The following RABGAP1 variants were observed in gnomAD, a reference collection of about 807,000 sequenced individuals.
RABGAP1 encodes RAB GTPase activating protein 1, also known as rab GTPase-activating protein 1.
A neutral mutation model predicts 137.6 loss-of-function variants in RABGAP1; 23 were observed. The observed-to-expected ratio is 0.17, with a 90% CI of 0.12 to 0.24. RABGAP1 has a LOEUF of 0.24. Ranked by LOEUF, RABGAP1 falls within the 10% of genes least tolerant of loss-of-function variation. The pLI, the probability that RABGAP1 is intolerant of heterozygous loss-of-function variation, is 1.00. For missense variants in RABGAP1, 906 were observed against 1,275.8 expected, an observed-to-expected ratio of 0.71 and a Z score of 4.42; for synonymous variants, 451 against 450.7, an observed-to-expected ratio of 1.00 and a Z score of -0.01.
intron 2 of RABGAP1, among the ~76,000 whole-genome samples, chr9:122,983,983 C>T (rs567707439): frequency 6.6e-6 from 1 of 152,230 alleles, no homozygotes; most frequent in Non-Finnish European, 1.5e-5. Flanking sequence ...TATCATGTAA[C>T]TCTTCCTCAG....
chr9:123,017,919 G>T (rs532212377), intron 12 of RABGAP1, among the ~76,000 whole-genome samples: 1 of 152,174 alleles, frequency 6.6e-6, no homozygotes, highest in Non-Finnish European at 1.5e-5. Context: ...TGATCCCAAG[G>T]CTGGTTTATT....
intron 13 of RABGAP1, among the ~76,000 whole-genome samples, chr9:123,046,862 G>A (rs959194191): frequency 1.3e-5 from 2 of 152,120 alleles, no homozygotes; most frequent in African/African-American, 4.8e-5. Context: ...CATAAATATA[G>A]AATCCTTAAG....
rs201426538 is a variant in RABGAP1, at chr9:123,098,816, G to A, written c.2817+18G>A. 79 of 1,597,742 alleles carry A rather than the reference G, an allele frequency of 4.9e-5. No homozygotes were observed. The African/African-American group carries it at 6.2e-4, about 13-fold the overall frequency. ...ATAAGCAGGTAGGTTCCAGTACCCT[G>A]GGATTGGGCTGTGTAATCTGGGAGC... On this transcript the variant is annotated intron_variant, in intron 23 of 25. Transcript: ENST00000373647.
At chr9:123,035,158 A>G (rs908484615) in intron 13 of RABGAP1, 29 of 1,613,772 alleles carry the variant, frequency 1.8e-5, no homozygotes, top group African/African-American at 2.7e-5. Context: ...CATCGTGATG[A>G]TGTTATATGC....
At chr9:123,019,279 C>T (rs1023077271) in intron 12 of RABGAP1, among the ~76,000 whole-genome samples, 1 of 152,128 alleles carries the variant, frequency 6.6e-6, no homozygotes, top group Non-Finnish European at 1.5e-5. Flanking sequence ...TGGAAACATA[C>T]TTGAGATATT....
chr9:123,052,126 AT>A (rs1211605392), intron 13 of RABGAP1, among the ~76,000 whole-genome samples: 3 of 152,182 alleles, frequency 2.0e-5, no homozygotes, highest in African/African-American at 7.2e-5. Context: ...ATTTTAAAAA[AT>A]ATATTAGAAA....
At chr9:122,973,985 C>T (rs543813587) in intron 2 of RABGAP1, among the ~76,000 whole-genome samples, 2 of 149,706 alleles carry the variant, frequency 1.3e-5, no homozygotes, top group South Asian at 4.3e-4. Context: ...CCAGCCTGGG[C>T]GACGAGCGAA....
intron 16 of RABGAP1, 55 bp downstream of exon 16, chr9:123,073,732 C>T: frequency 1.2e-6 from 2 of 1,601,702 alleles, no homozygotes; most frequent in South Asian, 1.1e-5. Context: ...CTAAGGAGCA[C>T]CAAATTGAGG....
intron 2 of RABGAP1, among the ~76,000 whole-genome samples, chr9:122,979,570 A>C (rs1835942588): frequency 6.6e-6 from 1 of 152,090 alleles, no homozygotes; most frequent in African/African-American, 2.4e-5. Flanking sequence ...CCTGTGTTTT[A>C]TTCTGTATGT....
intron 21 of RABGAP1, among the ~76,000 whole-genome samples, chr9:123,096,779 C>T (rs956622359): frequency 6.6e-6 from 1 of 152,138 alleles, no homozygotes; most frequent in African/African-American, 2.4e-5. Flanking sequence ...ACTATGTTGG[C>T]CAGGCTGTTC....
chr9:123,083,922 A>T (rs754545469), intron 19 of RABGAP1, among the ~76,000 whole-genome samples: 2 of 152,180 alleles, frequency 1.3e-5, no homozygotes, highest in Non-Finnish European at 2.9e-5. Flanking sequence ...CAAGTCAACA[A>T]ACGCTTGTAG....
intron 11 of RABGAP1, among the ~76,000 whole-genome samples, chr9:123,010,954 A>G (rs1207045735): frequency 2.0e-5 from 3 of 151,466 alleles, no homozygotes; most frequent in African/African-American, 7.3e-5. Flanking sequence ...ATACGTTTAT[A>G]TATTACTATG....
intron 2 of RABGAP1, among the ~76,000 whole-genome samples, chr9:122,968,387 T>C (rs983186054): frequency 2.0e-5 from 3 of 151,670 alleles, no homozygotes; most frequent in Non-Finnish European, 2.9e-5. Flanking sequence ...TATGCCCGGC[T>C]AATTTTCATA....
Position 123,024,199 on chromosome 9 carries a change from T to A in RABGAP1, c.1794+3740T>A, listed in dbSNP as rs538927870. Among the ~76,000 whole-genome samples, 213 of 152,322 alleles carry A rather than the reference T, an allele frequency of 1.4e-3. 2 individuals carry two copies. Among genetic ancestry groups the A allele is most frequent in the African/African-American group, 4.6e-3 (193 of 41,564 alleles). ...TTAAAGTGAAAATTTTTTAGGTTTTTAAATTTCAGTAGGGATCCAGAAGGG... is the reference window on the plus strand; with the variant it reads ...TTAAAGTGAAAATTTTTTAGGTTTTAAAATTTCAGTAGGGATCCAGAAGGG... On this transcript the variant is annotated intron_variant, in intron 13 of 25. Coordinates refer to ENST00000373647, the MANE Select transcript of RABGAP1 (RefSeq NM_012197.4).
chr9:122,967,786 A>G (rs1055308542), intron 2 of RABGAP1, among the ~76,000 whole-genome samples: 2 of 151,522 alleles, frequency 1.3e-5, no homozygotes, highest in Non-Finnish European at 2.9e-5. Flanking sequence ...CTTGTTGCCC[A>G]GGCTGGAGTG....
At chr9:123,061,179 C>T (rs1230091457) in intron 13 of RABGAP1, among the ~76,000 whole-genome samples, 1 of 152,186 alleles carries the variant, frequency 6.6e-6, no homozygotes, top group Non-Finnish European at 1.5e-5. Context: ...AGCACAGTGG[C>T]ACAGTCTTGG....
intron 14 of RABGAP1, among the ~76,000 whole-genome samples, chr9:123,067,275 T>C (rs985284361): frequency 7.9e-5 from 12 of 152,246 alleles, no homozygotes; most frequent in African/African-American, 2.9e-4. Flanking sequence ...ATGTCTCTCT[T>C]AGCTTCATTC....
chr9:123,034,870 T>G, intron 13 of RABGAP1: 1 of 1,614,084 alleles, frequency 6.2e-7, no homozygotes, highest in Non-Finnish European at 8.5e-7. Flanking sequence ...GTCCTTGACT[T>G]GCCAGATATT....
At chr9:123,027,768 A>G (rs1052415621) in intron 13 of RABGAP1, among the ~76,000 whole-genome samples, 3 of 152,170 alleles carry the variant, frequency 2.0e-5, no homozygotes, top group Non-Finnish European at 4.4e-5. Context: ...ATTCTGGAAA[A>G]TCAGACAGTG....
Sources: gnomAD v4.1 joint callset for allele counts (sites outside exome capture counted in the v4.1 genomes callset) on GRCh38, gnomAD v4.1.1 for gene constraint, MANE v1.5 for transcripts, NCBI Gene and HGNC (gene_info 2026-07-23, HGNC 2026-07-21) for gene names.